ABCC2: variants seen among roughly 807,000 people sequenced by gnomAD.
ABCC2 encodes the protein ATP-binding cassette sub-family C member 2.
A neutral mutation model predicts 173.4 loss-of-function variants in ABCC2; 157 were observed. That is an observed-to-expected ratio of 0.91 (90% CI 0.80 to 1.03). ABCC2 has a LOEUF of 1.03. Ranked by LOEUF, ABCC2 falls within the 50% of genes least tolerant of loss-of-function variation. ABCC2 has a pLI of 0.00. For missense variants in ABCC2, 1,822 were observed against 1,852.3 expected (o/e 0.98, Z 0.30); for synonymous variants, 657 against 693.5 (o/e 0.95, Z 0.83).
At chr10:99,849,166 G>A (rs2039056390) in intron 30 of ABCC2, among the ~76,000 whole-genome samples, 1 of 152,200 alleles carries the variant, frequency 6.6e-6, no homozygotes, top group African/African-American at 2.4e-5. Context: ...GGTGGCGGAG[G>A]TTGTGGTGAG....
intron 11 of ABCC2, among the ~76,000 whole-genome samples, chr10:99,806,730 T>C (rs748949410): frequency 6.6e-6 from 1 of 152,266 alleles, no homozygotes; most frequent in East Asian, 1.9e-4. Context: ...TCTTTCCCTC[T>C]ATTTGCCAGC....
At position 99,851,535 on chromosome 10, in the gene ABCC2, G is replaced by A; in HGVS notation, c.4542G>A (p.Glu1514=). 6.2e-7 allele frequency: 1 copy of A among 1,614,146 alleles called. No homozygotes were observed. Among genetic ancestry groups the A allele is most frequent in the Admixed American group, 1.7e-5 (1 of 60,020 alleles). ...VMVLDNGKII[E]CGSPEELLQI... The stretch of plus-strand genomic sequence containing the variant: ...TCCTAGACAACGGGAAGATTATAGA[G>A]TGCGGCAGCCCTGAAGAACTGCTAC... Residue 1514 remains glutamate, a synonymous_variant, in exon 32 of 32, where the codon GAG becomes GAA. Transcript: ENST00000647814.
chr10:99,842,094 G>T lies in ABCC2; in HGVS notation c.3741+1G>T, dbSNP rs34937870. The T allele has an allele frequency of 9.3e-5, 150 of 1,614,036 alleles. No homozygotes were observed. The highest frequency in any genetic ancestry group is 1.2e-4 in the Non-Finnish European group (144 of 1,180,020). The stretch of plus-strand genomic sequence containing the variant: ...CTTTGTTCTGTCCAATGCACTCAAT[G>T]TGAGTTTGAAGGTTGGGAGTTTGGT... On this transcript the variant is annotated splice_donor_variant, in intron 26 of 31. Transcript: ENST00000647814. LOFTEE classifies it high-confidence loss of function.
At chr10:99,810,892 T>G (rs2038199601) in intron 14 of ABCC2, among the ~76,000 whole-genome samples, 1 of 151,794 alleles carries the variant, frequency 6.6e-6, no homozygotes, top group African/African-American at 2.4e-5. Context: ...AGTGTGGTGG[T>G]GCATGCCTGT....
intron 19 of ABCC2, among the ~76,000 whole-genome samples, chr10:99,820,189 C>A (rs557408019): frequency 6.6e-6 from 1 of 151,762 alleles, no homozygotes; most frequent in Non-Finnish European, 1.5e-5. Context: ...GTCAGGAGTT[C>A]GAGGCCAGCC....
At chr10:99,792,017 A>G (rs1355291430) in intron 2 of ABCC2, among the ~76,000 whole-genome samples, 2 of 152,202 alleles carry the variant, frequency 1.3e-5, no homozygotes, top group African/African-American at 4.8e-5. Context: ...CATATTTTAA[A>G]ACTTCACACT....
At position 99,800,372 on chromosome 10, in the gene ABCC2, C is replaced by A. The variant is rs754368880; in HGVS notation, c.1032-14C>A. 1.7e-5 allele frequency: 28 copies of A among 1,613,920 alleles called. No individual in the cohort carries two copies. The East Asian group carries it at 5.8e-4, about 33-fold the overall frequency. ...GGCCTTATGGGTATAACTAACTTGGCTTTTCTCTGGCAGATTGCTGATCTC... is the reference window on the plus strand; with the variant it reads ...GGCCTTATGGGTATAACTAACTTGGATTTTCTCTGGCAGATTGCTGATCTC... On this transcript the variant is annotated splice_polypyrimidine_tract_variant and intron_variant, in intron 8 of 31. Coordinates refer to ENST00000647814, the MANE Select transcript of ABCC2 (RefSeq NM_000392.5).
At chr10:99,799,480 G>C in intron 8 of ABCC2, 110 bp downstream of exon 8, 1 of 1,340,168 alleles carries the variant, frequency 7.5e-7, no homozygotes, top group East Asian at 2.3e-5. Flanking sequence ...TTTTAAAAAT[G>C]CTCGTAATTT....
At chr10:99,819,881 T>TA (rs1205521882) in intron 19 of ABCC2, among the ~76,000 whole-genome samples, 14 of 152,346 alleles carry the variant, frequency 9.2e-5, no homozygotes, top group African/African-American at 3.4e-4. Context: ...GAGCTCTGTT[T>TA]ACTGTGACCC....
chr10:99,849,874 T>A (rs2039064974), intron 30 of ABCC2, among the ~76,000 whole-genome samples: 1 of 152,230 alleles, frequency 6.6e-6, no homozygotes, highest in Non-Finnish European at 1.5e-5. Context: ...AATATTTCCT[T>A]CACATCATTT....
rs374340799 is a variant in ABCC2 at position 99,828,599 on chromosome 10, G to A, written c.2621-1708G>A. 1.4e-4 allele frequency among the ~76,000 whole-genome samples: 22 copies of A among 152,246 alleles called. No individual in the cohort carries two copies. The East Asian group carries it at 3.9e-3, about 27-fold the overall frequency. ...TTTGTTGTGGTTGTTCTTCCTATAT[G>A]TTTGTTTCATTTCCTGAACTAATTC... is the stretch of plus-strand genomic sequence containing the variant. On this transcript the variant is annotated intron_variant, in intron 19 of 31. Transcript: ENST00000647814.
intron 11 of ABCC2, among the ~76,000 whole-genome samples, chr10:99,806,077 C>CTGTGTGTGTGTGTGTG (rs10559742): frequency 1.4e-5 from 2 of 148,038 alleles, no homozygotes; most frequent in African/African-American, 5.0e-5. Context: ...CTCTCTCTGT[C>CTGTGTGTGTGTGTGTG]TGTGTGTGTG....
intron 1 of ABCC2, among the ~76,000 whole-genome samples, chr10:99,783,890 A>C (rs2037660626): frequency 6.6e-6 from 1 of 152,156 alleles, no homozygotes; most frequent in Non-Finnish European, 1.5e-5. Flanking sequence ...GCAATTCTTT[A>C]AAGAGTCTGT....
chr10:99,814,882 C>A (rs1202906173), intron 16 of ABCC2, among the ~76,000 whole-genome samples: 1 of 151,210 alleles, frequency 6.6e-6, no homozygotes, highest in African/African-American at 2.4e-5. Context: ...CAGCTCACTG[C>A]AACCTCCACC....
rs1424766401 is a variant in ABCC2, at chr10:99,850,755, C to A, written c.4467C>A (p.Ile1489=). Residue 1489 remains isoleucine (I), a synonymous_variant, in exon 31 of 32, where the codon ATC becomes ATA. Transcript: ENST00000647814. ...ACGAGTTCGCCCACTGCACAGTGAT[C>A]ACCATCGCCCACAGGCTGCACACCA... ...IQNEFAHCTV[I]TIAHRLHTIM... The A allele has an allele frequency of 1.2e-6, 2 of 1,614,196 alleles. No homozygotes were observed. The highest frequency in any genetic ancestry group is 8.5e-7 in the Non-Finnish European group (1 of 1,180,032).
intron 15 of ABCC2, among the ~76,000 whole-genome samples, chr10:99,812,495 T>C (rs1456199867): frequency 6.6e-6 from 1 of 152,210 alleles, no homozygotes; most frequent in East Asian, 1.9e-4. Flanking sequence ...GTCAAATATT[T>C]AGGAGAAGGG....
At position 99,804,172 on chromosome 10, in the gene ABCC2, C is replaced by T. The variant is rs767651060; in HGVS notation, c.1363C>T (p.Leu455=). Residue 455 remains leucine, a synonymous_variant, in exon 10 of 32, where the codon CTA becomes TTA. Transcript: ENST00000647814. ...VLQIVLSIFF[L]WRELGPSVLA... ...ACAGATTGTCTTATCTATCTTCTTC[C>T]TATGGAGAGAGTTGGGACCCTCAGT... 8.7e-6 allele frequency: 14 copies of T among 1,614,086 alleles called. No homozygotes were observed. Among genetic ancestry groups the T allele is most frequent in the Non-Finnish European group, 1.0e-5 (12 of 1,180,006 alleles).
chr10:99,850,698 G>A lies in ABCC2; in HGVS notation c.4410G>A (p.Glu1470=), dbSNP rs8187706. 9,906 of 1,614,124 alleles carry A rather than the reference G, an allele frequency of 6.1e-3. 527 individuals are homozygous for A. In the African/African-American group the frequency reaches 0.11, roughly 18 times the overall value. Residue 1470 remains glutamate, a synonymous_variant, in exon 31 of 32, where the codon GAG becomes GAA. Transcript: ENST00000647814. The part of the protein sequence containing the change: ...LDEATAAVDL[E]TDNLIQTTIQ... ...AGGCCACTGCTGCGGTGGATCTAGA[G>A]ACAGACAACCTCATTCAGACGACCA...
intron 14 of ABCC2, among the ~76,000 whole-genome samples, chr10:99,811,197 G>C (rs1325752349): frequency 6.6e-6 from 1 of 151,958 alleles, no homozygotes; most frequent in Non-Finnish European, 1.5e-5. Context: ...GGGGCATGGT[G>C]GTGCATGCCT....
Sources: allele counts gnomAD v4.1 joint callset (sites outside exome capture counted in the v4.1 genomes callset), GRCh38; gene constraint gnomAD v4.1.1; transcripts MANE v1.5; gene names NCBI Gene and HGNC (gene_info 2026-07-23, HGNC 2026-07-21).